NUBPL: variants seen among roughly 807,000 people sequenced by gnomAD.
NUBPL encodes the protein iron-sulfur cluster transfer protein NUBPL.
A neutral mutation model predicts 45.7 loss-of-function variants in NUBPL; 31 were observed. The ratio of observed to expected loss-of-function variants is 0.68; its 90% CI spans 0.51 to 0.92. The LOEUF is 0.92. Ranked by LOEUF, NUBPL falls within the 40% of genes least tolerant of loss-of-function variation. The probability of loss-of-function intolerance (pLI) is 0.00; values close to 1 mark genes in which losing one functional copy is unlikely to be tolerated. For synonymous variants in NUBPL, 144 were observed against 140.9 expected, an observed-to-expected ratio of 1.02 and a Z score of -0.15; for missense variants, 401 against 398.7, an observed-to-expected ratio of 1.01 and a Z score of -0.05.
chr14:31,776,800 C>G (rs2039105692), intron 6 of NUBPL, among the ~76,000 whole-genome samples: 1 of 152,212 alleles, frequency 6.6e-6, no homozygotes, highest in South Asian at 2.1e-4. Flanking sequence ...GACAACCACT[C>G]TAGCTAGTTC....
chr14:31,583,737 A>G (rs981131719), intron 3 of NUBPL, among the ~76,000 whole-genome samples: 1 of 152,156 alleles, frequency 6.6e-6, no homozygotes, highest in Non-Finnish European at 1.5e-5. Flanking sequence ...AGGTTAGGCT[A>G]TTACAGTAAC....
chr14:31,767,492 C>T (rs1193856751), intron 6 of NUBPL, among the ~76,000 whole-genome samples: 4 of 152,116 alleles, frequency 2.6e-5, no homozygotes, highest in East Asian at 1.9e-4. Context: ...GGATTACAGG[C>T]GTGAGCCACC....
intron 6 of NUBPL, among the ~76,000 whole-genome samples, chr14:31,741,240 C>G (rs1306986781): frequency 6.6e-6 from 1 of 152,106 alleles, no homozygotes; most frequent in Non-Finnish European, 1.5e-5. Flanking sequence ...AAGGTATGGG[C>G]AAGTGCAGGG....
intron 6 of NUBPL, among the ~76,000 whole-genome samples, chr14:31,713,593 C>G (rs1367421330): frequency 6.6e-6 from 1 of 152,152 alleles, no homozygotes; most frequent in Non-Finnish European, 1.5e-5. Flanking sequence ...TAGAGATGTC[C>G]TTTTAAGTGG....
chr14:31,665,036 G>C (rs2036371392), intron 4 of NUBPL, among the ~76,000 whole-genome samples: 1 of 151,968 alleles, frequency 6.6e-6, no homozygotes, highest in Non-Finnish European at 1.5e-5. Context: ...ATTCTCTGAT[G>C]GTATTCTGTA....
intron 4 of NUBPL, among the ~76,000 whole-genome samples, chr14:31,607,151 C>T (rs556938488): frequency 1.1e-4 from 16 of 152,130 alleles, no homozygotes; most frequent in Non-Finnish European, 2.2e-4. Context: ...GAGGCCGAGG[C>T]GGGCAGATTG....
chr14:31,614,060 C>T (rs911045770), intron 4 of NUBPL, among the ~76,000 whole-genome samples: 1 of 151,868 alleles, frequency 6.6e-6, no homozygotes, highest in Non-Finnish European at 1.5e-5. Flanking sequence ...AGAACTGAAA[C>T]GTTGACTTCT....
At chr14:31,754,341 T>G (rs192401575) in intron 6 of NUBPL, among the ~76,000 whole-genome samples, 1 of 152,192 alleles carries the variant, frequency 6.6e-6, no homozygotes, top group Non-Finnish European at 1.5e-5. Flanking sequence ...GGAGTAGTCA[T>G]GCCAAATATT....
At chr14:31,844,150 G>A (rs2040417820) in intron 8 of NUBPL, 2 of 152,182 alleles carry the variant, frequency 1.3e-5, no homozygotes, top group Admixed American at 1.3e-4. Flanking sequence ...CACACAAACT[G>A]CAAATACACA....
At chr14:31,737,779 G>C (rs556782862) in intron 6 of NUBPL, among the ~76,000 whole-genome samples, 2 of 152,216 alleles carry the variant, frequency 1.3e-5, no homozygotes, top group Non-Finnish European at 2.9e-5. Context: ...GCAAGACTCT[G>C]TCTCATAATA....
chr14:31,826,923 C>T (rs1434922218), intron 8 of NUBPL, among the ~76,000 whole-genome samples: 2 of 152,090 alleles, frequency 1.3e-5, no homozygotes, highest in Admixed American at 6.5e-5. Context: ...GTAAAACACC[C>T]TTTAGGTAAG....
At chr14:31,617,256 AC>A (rs1311751353) in intron 4 of NUBPL, among the ~76,000 whole-genome samples, 1 of 152,058 alleles carries the variant, frequency 6.6e-6, no homozygotes, top group Non-Finnish European at 1.5e-5. Flanking sequence ...CTAATTGAAT[AC>A]CCTTTATGTT....
At chr14:31,750,901 T>G (rs1000262045) in intron 6 of NUBPL, among the ~76,000 whole-genome samples, 1 of 152,184 alleles carries the variant, frequency 6.6e-6, no homozygotes, top group Admixed American at 6.5e-5. Context: ...CAGTTCCACA[T>G]GTCTTGGGAG....
At chr14:31,790,978 T>C (rs1306494278) in intron 7 of NUBPL, among the ~76,000 whole-genome samples, 2 of 152,026 alleles carry the variant, frequency 1.3e-5, no homozygotes, top group South Asian at 4.2e-4. Flanking sequence ...TTTTGAAAGA[T>C]TGCATTAATG....
intron 6 of NUBPL, among the ~76,000 whole-genome samples, chr14:31,754,597 T>TC (rs1171737741): frequency 3.5e-5 from 5 of 142,034 alleles, no homozygotes; most frequent in Non-Finnish European, 7.5e-5. Context: ...TTTTCTTTTT[T>TC]TTTTTTTTTT....
chr14:31,710,684 G>T (rs1038144677), intron 6 of NUBPL, among the ~76,000 whole-genome samples: 2 of 152,124 alleles, frequency 1.3e-5, no homozygotes, highest in African/African-American at 4.8e-5. Flanking sequence ...TGAAGTGGAG[G>T]GCCATACCCT....
chr14:31,687,398 A>G (rs1159996660), intron 6 of NUBPL, among the ~76,000 whole-genome samples: 1 of 152,244 alleles, frequency 6.6e-6, no homozygotes, highest in Non-Finnish European at 1.5e-5. Flanking sequence ...ACACAAATCT[A>G]TTATAAAAGT....
chr14:31,574,900 G>A (rs1466066217), intron 3 of NUBPL, among the ~76,000 whole-genome samples: 1 of 129,724 alleles, frequency 7.7e-6, no homozygotes, highest in Non-Finnish European at 1.7e-5. Context: ...GATTCTTTTA[G>A]CAACTTATTT....
At chr14:31,792,952 A>C (rs2039409209) in intron 7 of NUBPL, among the ~76,000 whole-genome samples, 1 of 152,212 alleles carries the variant, frequency 6.6e-6, no homozygotes, top group Non-Finnish European at 1.5e-5. Context: ...TCATAAATTT[A>C]CAGAACCTGT....
Sources: gnomAD v4.1 joint callset for allele counts (sites outside exome capture counted in the v4.1 genomes callset) on GRCh38, gnomAD v4.1.1 for gene constraint, MANE v1.5 for transcripts, NCBI Gene and HGNC (gene_info 2026-07-23, HGNC 2026-07-21) for gene names.